RBFOX1: variants seen among roughly 807,000 people sequenced by gnomAD.
RBFOX1 encodes the protein RNA binding fox-1 homolog 1.
Under a neutral mutation model 57.7 loss-of-function variants are expected in RBFOX1, and 8 were observed. The observed-to-expected ratio is 0.14, with a 90% CI of 0.08 to 0.25. The LOEUF is 0.25. Among genes scored for constraint, RBFOX1 ranks in the 10% least tolerant of loss-of-function variants. The probability of loss-of-function intolerance (pLI) is 1.00; values close to 1 mark genes in which losing one functional copy is unlikely to be tolerated. For missense variants in RBFOX1, 611 were observed against 548.5 expected, an observed-to-expected ratio of 1.11 and a Z score of -1.14; for synonymous variants, 326 against 222.4, an observed-to-expected ratio of 1.47 and a Z score of -4.15.
At chr16:6,667,118 G>C (rs1300819365) in intron 3 of RBFOX1, among the ~76,000 whole-genome samples, 1 of 152,140 alleles carries the variant, frequency 6.6e-6, no homozygotes, top group Admixed American at 6.5e-5. Context: ...GGTGGGTTGG[G>C]GGAGAGGGAG....
At chr16:6,743,975 T>G (rs961643073) in intron 3 of RBFOX1, among the ~76,000 whole-genome samples, 2 of 151,806 alleles carry the variant, frequency 1.3e-5, no homozygotes, top group Non-Finnish European at 1.5e-5. Flanking sequence ...TGTTATCTTT[T>G]CAATATATAA....
intron 1 of RBFOX1, among the ~76,000 whole-genome samples, chr16:6,223,917 T>C (rs2097396359): frequency 6.6e-6 from 1 of 152,232 alleles, no homozygotes. Context: ...GCTTTCTCCA[T>C]ATGGCTAGCC....
At chr16:6,135,795 T>C (rs2096662582) in intron 1 of RBFOX1, among the ~76,000 whole-genome samples, 1 of 138,180 alleles carries the variant, frequency 7.2e-6, no homozygotes, top group Admixed American at 7.2e-5. Context: ...CTTTTTTTTT[T>C]TTTTTTTTTT....
chr16:7,320,344 T>C (rs1223066014), intron 4 of RBFOX1, among the ~76,000 whole-genome samples: 3 of 152,162 alleles, frequency 2.0e-5, no homozygotes, highest in African/African-American at 7.2e-5. Flanking sequence ...TTTTCTGTTC[T>C]TGTGTTAGTT....
chr16:5,718,128 G>A (rs2051787906), intron 3 of RBFOX1, among the ~76,000 whole-genome samples: 1 of 152,122 alleles, frequency 6.6e-6, no homozygotes, highest in South Asian at 2.1e-4. Context: ...TTACATAGGG[G>A]GCTTTCCTTC....
intron 1 of RBFOX1, among the ~76,000 whole-genome samples, chr16:6,046,580 C>T (rs752357525): frequency 1.7e-4 from 26 of 151,794 alleles, no homozygotes; most frequent in Non-Finnish European, 3.1e-4. Flanking sequence ...AATGAGTTCT[C>T]AAGGACAGAG....
intron 2 of RBFOX1, among the ~76,000 whole-genome samples, chr16:6,486,107 T>TTG (rs2095476673): frequency 2.4e-5 from 2 of 82,234 alleles, no homozygotes; most frequent in African/African-American, 8.5e-5. Context: ...TTTTTTTTTT[T>TTG]GGCATTGATT....
intron 1 of RBFOX1, among the ~76,000 whole-genome samples, chr16:6,227,197 C>G (rs890195098): frequency 2.6e-5 from 4 of 152,084 alleles, no homozygotes; most frequent in African/African-American, 9.7e-5. Context: ...GCTGTCTACC[C>G]TGGCCCTCCT....
chr16:7,302,150 C>T (rs2096050929), intron 4 of RBFOX1, among the ~76,000 whole-genome samples: 1 of 152,068 alleles, frequency 6.6e-6, no homozygotes, highest in African/African-American at 2.4e-5. Context: ...GCTACTGTGT[C>T]CCTGATAAAT....
chr16:6,971,509 G>GTGT (rs1555696367), intron 3 of RBFOX1, among the ~76,000 whole-genome samples: 1 of 149,828 alleles, frequency 6.7e-6, no homozygotes, highest in Non-Finnish European at 1.5e-5. Context: ...AGAGAGAGTT[G>GTGT]GTGTGTGTGT....
At chr16:5,945,546 A>T (rs1240827823) in intron 4 of RBFOX1, among the ~76,000 whole-genome samples, 2 of 152,218 alleles carry the variant, frequency 1.3e-5, no homozygotes, top group Admixed American at 6.5e-5. Flanking sequence ...GCCCTCTGAA[A>T]CGGATATTGT....
chr16:6,790,764 C>G (rs8054105), intron 3 of RBFOX1, among the ~76,000 whole-genome samples: 57,923 of 151,944 alleles, frequency 0.38, 11,372 homozygotes, highest in Non-Finnish European at 0.44. Flanking sequence ...TTATTCTTGT[C>G]AAAAGCTCAG....
At chr16:6,072,457 A>G (rs941350913) in intron 1 of RBFOX1, among the ~76,000 whole-genome samples, 3 of 152,150 alleles carry the variant, frequency 2.0e-5, no homozygotes, top group African/African-American at 7.2e-5. Flanking sequence ...ATTTCTTTGT[A>G]TATGTACCCA....
At chr16:6,958,433 T>C (rs140414896) in intron 3 of RBFOX1, among the ~76,000 whole-genome samples, 43 of 152,284 alleles carry the variant, frequency 2.8e-4, no homozygotes, top group African/African-American at 9.1e-4. Flanking sequence ...TAATAAAGCA[T>C]TGGGCAAGGA....
chr16:6,311,168 C>T (rs1384853450), intron 1 of RBFOX1, among the ~76,000 whole-genome samples: 3 of 151,780 alleles, frequency 2.0e-5, no homozygotes, highest in Non-Finnish European at 2.9e-5. Flanking sequence ...TTGTGGTGGG[C>T]ACCTGTAATC....
At chr16:6,634,156 G>C (rs1034653957) in intron 2 of RBFOX1, among the ~76,000 whole-genome samples, 1 of 152,124 alleles carries the variant, frequency 6.6e-6, no homozygotes, top group African/African-American at 2.4e-5. Context: ...GTAATTCATG[G>C]AGGTTCAGAA....
At chr16:6,996,172 G>T (rs752057611) in intron 3 of RBFOX1, among the ~76,000 whole-genome samples, 4 of 152,198 alleles carry the variant, frequency 2.6e-5, no homozygotes, top group Non-Finnish European at 5.9e-5. Flanking sequence ...TAACATGGCA[G>T]TTCCCGATAA....
Position 6,459,779 on chromosome 16 carries a change from C to A in RBFOX1, c.-64+142722C>A, listed in dbSNP as rs577277106. ...ATCACCTGAGATTGGGAGTTTGAGA[C>A]CAGCCTGGCCAACATGGAGAAACTG... On this transcript the variant is annotated intron_variant, in intron 2 of 15. Coordinates refer to ENST00000550418, the MANE Select transcript of RBFOX1 (RefSeq NM_018723.4). Among the ~76,000 whole-genome samples the A allele has an allele frequency of 4.0e-5, 6 of 151,734 alleles. No individual in the cohort carries two copies. The East Asian group carries it at 1.2e-3, about 30-fold the overall frequency.
chr16:6,436,511 C>CTTTTT (rs61508952), intron 2 of RBFOX1, among the ~76,000 whole-genome samples: 3 of 103,394 alleles, frequency 2.9e-5, no homozygotes, highest in Admixed American at 1.1e-4. Flanking sequence ...TTTTTCTTCA[C>CTTTTT]TTTTTTTTTT....
Sources: allele counts gnomAD v4.1 joint callset (sites outside exome capture counted in the v4.1 genomes callset), GRCh38; gene constraint gnomAD v4.1.1; transcripts MANE v1.5; gene names NCBI Gene and HGNC (gene_info 2026-07-23, HGNC 2026-07-21).